ABCB1: variants seen among roughly 807,000 people sequenced by gnomAD.
ABCB1 encodes the protein ATP-dependent translocase ABCB1.
ABCB1 carries 69 observed loss-of-function variants against 142.0 expected under a neutral mutation model. The ratio of observed to expected loss-of-function variants is 0.49; its 90% CI spans 0.40 to 0.59. ABCB1 has a LOEUF of 0.59. Ranked by LOEUF, ABCB1 falls within the 20% of genes least tolerant of loss-of-function variation. ABCB1 has a pLI of 0.00. For synonymous variants in ABCB1, 532 were observed against 539.2 expected (o/e 0.99, Z 0.18); for missense variants, 1,326 against 1,554.7 (o/e 0.85, Z 2.47).
rs142998616 is a variant in ABCB1, at chr7:87,529,616, G to T, written c.2685+1678C>A. Among the ~76,000 whole-genome samples, 208 of 152,352 alleles carry T rather than the reference G, an allele frequency of 1.4e-3. 1 individual carries two copies. The Middle Eastern group carries it at 0.02, about 15-fold the overall frequency. ...AAAGGTGCTAACCTGTGGTTTGCAT[G>T]AATTAGCTTAGGATCAGATTGTATC... On this transcript the variant is annotated intron_variant, in intron 21 of 27. Coordinates refer to ENST00000622132, the MANE Select transcript of ABCB1 (RefSeq NM_001348946.2).
At chr7:87,536,420 C>A in intron 20 of ABCB1, 38 bp downstream of exon 20, 1 of 1,604,626 alleles carries the variant, frequency 6.2e-7, no homozygotes, top group East Asian at 2.2e-5. Context: ...TCCAAAATGG[C>A]CAATTAAGAC....
chr7:87,705,032 A>C (rs1423952428), intron 1 of ABCB1, among the ~76,000 whole-genome samples: 1 of 152,234 alleles, frequency 6.6e-6, no homozygotes, highest in Admixed American at 6.5e-5. Context: ...ATACAAGTAC[A>C]CTTGTATCAC....
intron 1 of ABCB1, among the ~76,000 whole-genome samples, chr7:87,711,239 T>C (rs575419517): frequency 6.6e-6 from 1 of 152,048 alleles, no homozygotes; most frequent in African/African-American, 2.4e-5. Context: ...GGTAGGAGAA[T>C]AGTTTGAACC....
In ABCB1 at chr7:87,545,723, ACTGGT is replaced by A. The variant is rs1816751145; in HGVS notation, c.1887+135_1887+139del. ...TCAAGAGAGAAAAAAAATCTTAAAC[ACTGGT>A]CTCATCCTGAATCCCCCAGGTGTTG... On this transcript the variant is annotated intron_variant, in intron 15 of 27. Transcript: ENST00000622132. 3.6e-6 allele frequency: 3 copies of A among 843,928 alleles called. No homozygotes were observed. In the East Asian group the frequency reaches 8.1e-5, roughly 23 times the overall value. 52.3% of individuals were successfully genotyped at this position (843,928 alleles called of 1,614,324 possible). A position where few individuals can be genotyped will look rare whatever the true frequency, so the allele number is the denominator to read the frequency against.
chr7:87,506,947 GTC>G, intron 26 of ABCB1, among the ~76,000 whole-genome samples: 1 of 152,324 alleles, frequency 6.6e-6, no homozygotes, highest in Non-Finnish European at 1.5e-5. Context: ...AGCTGTGGCT[GTC>G]TCAGAAGGCA....
intron 7 of ABCB1, among the ~76,000 whole-genome samples, chr7:87,564,749 C>G (rs778185494): frequency 2.6e-5 from 4 of 152,090 alleles, no homozygotes; most frequent in Non-Finnish European, 5.9e-5. Flanking sequence ...TCTCTAGCAG[C>G]CAGCCTGGGG....
intron 1 of ABCB1, among the ~76,000 whole-genome samples, chr7:87,654,459 G>A (rs552053119): frequency 6.6e-6 from 1 of 152,136 alleles, no homozygotes; most frequent in Admixed American, 6.6e-5. Context: ...TTCAACAGAA[G>A]TGCCAAAACA....
At chr7:87,509,690 T>C (rs1814920265) in intron 25 of ABCB1, among the ~76,000 whole-genome samples, 1 of 152,254 alleles carries the variant, frequency 6.6e-6, no homozygotes, top group Non-Finnish European at 1.5e-5. Context: ...GTTTCAACCA[T>C]GGTTTCTGAT....
intron 9 of ABCB1, among the ~76,000 whole-genome samples, chr7:87,553,317 C>CTTTTTTTTT (rs941637830): frequency 1.8e-5 from 2 of 112,666 alleles, no homozygotes; most frequent in Non-Finnish European, 3.6e-5. Flanking sequence ...TTTTTTTCCA[C>CTTTTTTTTT]TTTTTTTTTT....
intron 14 of ABCB1, among the ~76,000 whole-genome samples, chr7:87,548,150 G>A (rs1414205054): frequency 9.7e-6 from 1 of 103,304 alleles, no homozygotes; most frequent in Non-Finnish European, 2.0e-5. Flanking sequence ...GGAAGGGGAG[G>A]GAAGGGAAGG....
intron 1 of ABCB1, among the ~76,000 whole-genome samples, chr7:87,705,737 A>T (rs551918718): frequency 6.6e-6 from 1 of 152,308 alleles, no homozygotes; most frequent in Admixed American, 6.5e-5. Context: ...TTCTTTTCTG[A>T]ACTCACCCAT....
rs764906803 is a variant in ABCB1, at chr7:87,544,983, A to G, written c.1904T>C (p.Val635Ala). ...LVTMQTAGNE[V>A]ELENAADESK... ...TTCATCAGCTGCATTTTCTAATTCA[A>G]CTTCATTTCCTGCTGTCTAAAATAA... The change falls in exon 16 of 28, where the codon GTT (valine) becomes GCT (alanine). Residue 635 changes from valine to alanine, a missense_variant. By Grantham distance (64) the Val-to-Ala change is moderately conservative. Transcript: ENST00000622132. 2 of 1,613,978 alleles carry G rather than the reference A, an allele frequency of 1.2e-6. No homozygotes were observed. Among genetic ancestry groups the G allele is most frequent in the Admixed American group, 3.3e-5 (2 of 60,024 alleles).
At chr7:87,560,567 A>T (rs979294956) in intron 8 of ABCB1, among the ~76,000 whole-genome samples, 3 of 152,172 alleles carry the variant, frequency 2.0e-5, no homozygotes, top group African/African-American at 7.2e-5. Context: ...AACAATGTAT[A>T]ACCCCCTTAA....
chr7:87,691,254 C>A (rs1448195967), intron 1 of ABCB1, among the ~76,000 whole-genome samples: 1 of 152,080 alleles, frequency 6.6e-6, no homozygotes, highest in Non-Finnish European at 1.5e-5. Flanking sequence ...TTGAAAAGTA[C>A]ATACTTCTTG....
At chr7:87,626,840 G>A (rs1820688625) in intron 1 of ABCB1, among the ~76,000 whole-genome samples, 1 of 151,632 alleles carries the variant, frequency 6.6e-6, no homozygotes, top group African/African-American at 2.4e-5. Flanking sequence ...CACTGGCGCA[G>A]TCTCCGCTCA....
At chr7:87,532,748 T>G (rs1163681299) in intron 20 of ABCB1, among the ~76,000 whole-genome samples, 1 of 152,174 alleles carries the variant, frequency 6.6e-6, no homozygotes, top group East Asian at 1.9e-4. Context: ...GAAGTAGCTA[T>G]TCTTAATTTT....
At chr7:87,674,256 C>T (rs1033606047) in intron 1 of ABCB1, among the ~76,000 whole-genome samples, 7 of 152,060 alleles carry the variant, frequency 4.6e-5, no homozygotes, top group South Asian at 2.1e-4. Context: ...CCAGTGGAAG[C>T]GAGGCAGTGA....
At chr7:87,711,520 A>G (rs960279591) in intron 1 of ABCB1, among the ~76,000 whole-genome samples, 1 of 152,104 alleles carries the variant, frequency 6.6e-6, no homozygotes, top group Non-Finnish European at 1.5e-5. Flanking sequence ...TTAGGACAAC[A>G]GTCATTCCTA....
intron 3 of ABCB1, among the ~76,000 whole-genome samples, chr7:87,591,464 C>A (rs1249761724): frequency 6.6e-6 from 1 of 152,138 alleles, no homozygotes; most frequent in Non-Finnish European, 1.5e-5. Flanking sequence ...AAGACTGATA[C>A]ACGTGTGTGT....
Sources: gnomAD v4.1 joint callset for allele counts (sites outside exome capture counted in the v4.1 genomes callset) on GRCh38, gnomAD v4.1.1 for gene constraint, MANE v1.5 for transcripts, NCBI Gene and HGNC (gene_info 2026-07-23, HGNC 2026-07-21) for gene names.